ZDHHC14: variants seen among roughly 807,000 people sequenced by gnomAD.
ZDHHC14 encodes zDHHC palmitoyltransferase 14, also known as palmitoyltransferase ZDHHC14.
ZDHHC14 carries 16 observed loss-of-function variants against 47.7 expected under a neutral mutation model. The observed-to-expected ratio is 0.34, with a 90% CI of 0.23 to 0.51. The LOEUF (loss-of-function observed/expected upper bound fraction) is 0.51. Among genes scored for constraint, ZDHHC14 ranks in the 20% least tolerant of loss-of-function variants. The pLI, the probability that ZDHHC14 is intolerant of heterozygous loss-of-function variation, is 0.97. For missense variants in ZDHHC14, 515 were observed against 662.5 expected (o/e 0.78, Z 2.44); for synonymous variants, 293 against 278.9 (o/e 1.05, Z -0.50).
At chr6:157,423,198 T>G (rs758205344) in intron 1 of ZDHHC14, among the ~76,000 whole-genome samples, 3 of 152,176 alleles carry the variant, frequency 2.0e-5, no homozygotes, top group African/African-American at 7.2e-5. Context: ...TTCATGTGAC[T>G]TTAGGCCTTA....
chr6:157,499,079 C>A (rs1780134898), intron 1 of ZDHHC14, among the ~76,000 whole-genome samples: 2 of 152,040 alleles, frequency 1.3e-5, no homozygotes, highest in Admixed American at 6.5e-5. Flanking sequence ...ATGCTGATAA[C>A]CTGCCCAGTT....
At chr6:157,422,873 G>A (rs748344563) in intron 1 of ZDHHC14, among the ~76,000 whole-genome samples, 8 of 152,048 alleles carry the variant, frequency 5.3e-5, no homozygotes, top group African/African-American at 1.2e-4. Flanking sequence ...AATCTGTCCC[G>A]ATGGCCTTTT....
At chr6:157,426,488 A>G (rs1263011815) in intron 1 of ZDHHC14, among the ~76,000 whole-genome samples, 4 of 152,166 alleles carry the variant, frequency 2.6e-5, no homozygotes, top group Non-Finnish European at 5.9e-5. Context: ...CCCCCACTTC[A>G]TGGAGCTGAC....
intron 1 of ZDHHC14, among the ~76,000 whole-genome samples, chr6:157,443,094 T>C (rs967561786): frequency 2.0e-5 from 3 of 152,102 alleles, no homozygotes; most frequent in Non-Finnish European, 4.4e-5. Flanking sequence ...TGGGAGGTGA[T>C]TGGATCATGG....
chr6:157,481,143 T>C (rs981240378), intron 1 of ZDHHC14, among the ~76,000 whole-genome samples: 2 of 152,190 alleles, frequency 1.3e-5, no homozygotes, highest in Non-Finnish European at 2.9e-5. Flanking sequence ...TGCTTGCACG[T>C]GTGATGCTTC....
At chr6:157,552,767 G>T (rs1782289455) in intron 2 of ZDHHC14, among the ~76,000 whole-genome samples, 3 of 152,092 alleles carry the variant, frequency 2.0e-5, no homozygotes, top group Admixed American at 6.5e-5. Flanking sequence ...CTCAGGGACA[G>T]CTTGTTTCCT....
At chr6:157,488,741 G>A (rs1779839811) in intron 1 of ZDHHC14, among the ~76,000 whole-genome samples, 2 of 152,336 alleles carry the variant, frequency 1.3e-5, no homozygotes, top group Middle Eastern at 3.4e-3. Context: ...ACTGCTGTCT[G>A]TAGGGCTGAT....
At chr6:157,628,252 A>T in intron 3 of ZDHHC14, 97 bp from the exon 4 acceptor site, 1 of 1,213,844 alleles carries the variant, frequency 8.2e-7, no homozygotes, top group Non-Finnish European at 1.1e-6. Flanking sequence ...GTGTTATACT[A>T]TCAGAGTATT....
intron 1 of ZDHHC14, among the ~76,000 whole-genome samples, chr6:157,467,515 T>TTTTATTTATTTA (rs139585882): frequency 4.0e-4 from 55 of 136,334 alleles, no homozygotes; most frequent in South Asian, 1.0e-3. Context: ...TCATTCCTCA[T>TTTTATTTATTTA]TTTATTTATT....
At chr6:157,607,305 A>ACCCG (rs1562504916) in intron 3 of ZDHHC14, among the ~76,000 whole-genome samples, 3 of 151,944 alleles carry the variant, frequency 2.0e-5, no homozygotes. Flanking sequence ...CTCTCCACCC[A>ACCCG]ACCAAGGAAG....
intron 5 of ZDHHC14, among the ~76,000 whole-genome samples, chr6:157,639,730 C>T (rs1777157386): frequency 6.6e-6 from 1 of 152,006 alleles, no homozygotes; most frequent in Admixed American, 6.6e-5. Flanking sequence ...GGGATCCGTG[C>T]CTGGGGAGGG....
intron 3 of ZDHHC14, among the ~76,000 whole-genome samples, chr6:157,616,154 G>A (rs1454618091): frequency 6.6e-6 from 1 of 152,198 alleles, no homozygotes; most frequent in African/African-American, 2.4e-5. Flanking sequence ...TAAGGGGGGT[G>A]TCCAGGAAGA....
In ZDHHC14 at chr6:157,427,324, G is replaced by A. The variant is rs1226700812; in HGVS notation, c.245+45058G>A. Among the ~76,000 whole-genome samples, 1 of 152,166 alleles carries A rather than the reference G, an allele frequency of 6.6e-6. No individual in the cohort carries two copies. The highest frequency in any genetic ancestry group is 1.5e-5 in the Non-Finnish European group (1 of 68,030). On this transcript the variant is annotated intron_variant, in intron 1 of 8. Transcript: ENST00000359775. This position sits in a 1 kb window ranked among gnomAD's most constrained non-coding sequence, Gnocchi z 4.4. ...CAGAGATGTGAGGGTTGGGGTCTCAGCGTTTGGAAATGTCACTCAGTGAAA... is the reference window on the plus strand; with the variant it reads ...CAGAGATGTGAGGGTTGGGGTCTCAACGTTTGGAAATGTCACTCAGTGAAA...
rs1484551490 is a variant in ZDHHC14, at chr6:157,512,408, A to G, written c.246-30177A>G. On this transcript the variant is annotated intron_variant, in intron 1 of 8. Coordinates refer to ENST00000359775, the MANE Select transcript of ZDHHC14 (RefSeq NM_024630.3). Reference sequence around the variant, plus strand: ...TCTTAATTTGGCCATTTTCCGCCTTAGGATTGGAGTGAATCATCCTTCAAA... The same window carrying G: ...TCTTAATTTGGCCATTTTCCGCCTTGGGATTGGAGTGAATCATCCTTCAAA... Among the ~76,000 whole-genome samples the G allele has an allele frequency of 5.3e-5, 8 of 152,260 alleles. No homozygotes were observed. In the East Asian group the frequency reaches 1.5e-3, roughly 29 times the overall value.
At chr6:157,484,130 T>C (rs2114718855) in intron 1 of ZDHHC14, among the ~76,000 whole-genome samples, 1 of 150,776 alleles carries the variant, frequency 6.6e-6, no homozygotes, top group South Asian at 2.1e-4. Flanking sequence ...CAATAGACAC[T>C]GGGGCCTTCT....
chr6:157,672,938 C>T lies in ZDHHC14; in HGVS notation c.1283C>T (p.Pro428Leu), dbSNP rs764930007. The T allele has an allele frequency of 1.2e-6, 2 of 1,602,154 alleles. No individual in the cohort carries two copies. Among genetic ancestry groups the T allele is most frequent in the South Asian group, 2.2e-5 (2 of 89,916 alleles). Residue 428 changes from proline (P) to leucine (L), a missense_variant, in exon 9 of 9, where the codon CCC becomes CTC. Physicochemically the swap from Pro to Leu is moderately conservative, Grantham distance 98 (BLOSUM62 -3). Transcript: ENST00000359775. ...GAGGCCACGCTCGCGGACGTGATGC[C>T]CCGGAAAGATGAGCACATGGGCCAC... is the stretch of plus-strand genomic sequence containing the variant. Reference protein sequence around the residue: ...LAEATLADVMPRKDEHMGHQF... With the variant: ...LAEATLADVMLRKDEHMGHQF...
At chr6:157,660,120 T>G (rs1778281191) in intron 8 of ZDHHC14, among the ~76,000 whole-genome samples, 1 of 152,056 alleles carries the variant, frequency 6.6e-6, no homozygotes, top group South Asian at 2.1e-4. Flanking sequence ...TTGGATATGT[T>G]GAGTAACTCG....
intron 2 of ZDHHC14, among the ~76,000 whole-genome samples, chr6:157,567,275 T>C (rs899171272): frequency 3.9e-5 from 6 of 152,146 alleles, no homozygotes; most frequent in Non-Finnish European, 8.8e-5. Context: ...TGTGATCTAA[T>C]TGGATCTTGT....
chr6:157,574,154 G>A (rs1285135496), intron 2 of ZDHHC14, among the ~76,000 whole-genome samples: 1 of 151,310 alleles, frequency 6.6e-6, no homozygotes, highest in Non-Finnish European at 1.5e-5. Flanking sequence ...CAGGTGTGGT[G>A]GCTCATGTCT....
Sources: gnomAD v4.1 joint callset for allele counts (sites outside exome capture counted in the v4.1 genomes callset) on GRCh38, gnomAD v4.1.1 for gene constraint, Gnocchi (gnomAD v3.1) non-coding constraint, MANE v1.5 for transcripts, NCBI Gene and HGNC (gene_info 2026-07-23, HGNC 2026-07-21) for gene names.